The following KLHL4 variants were observed in gnomAD, a reference collection of about 807,000 sequenced individuals.
KLHL4 encodes kelch like family member 4.
A neutral mutation model predicts 45.8 loss-of-function variants in KLHL4; 17 were observed. That is an observed-to-expected ratio of 0.37 (90% confidence interval 0.25 to 0.56). The LOEUF is 0.56. Among genes scored for constraint, KLHL4 ranks in the 20% least tolerant of loss-of-function variants. The pLI, the probability that KLHL4 is intolerant of heterozygous loss-of-function variation, is 0.79. For missense variants in KLHL4, 544 were observed against 544.9 expected (o/e 1.00, Z 0.02); for synonymous variants, 224 against 189.9 (o/e 1.18, Z -1.47).
intron 1 of KLHL4, among the ~76,000 whole-genome samples, chrX:87,537,497 AATAT>A (rs1004073946): frequency 3.2e-4 from 35 of 110,656 alleles, no homozygotes; most frequent in South Asian, 7.4e-4. Context: ...CGTTTATATA[AATAT>A]ATATATAGAT....
chrX:87,543,580 A>G (rs1468572027), intron 1 of KLHL4, among the ~76,000 whole-genome samples: 1 of 111,119 alleles, frequency 9.0e-6, no homozygotes, highest in Admixed American at 9.6e-5. Context: ...ATTATAAGGC[A>G]TTGAACTCAC....
At chrX:87,661,323 A>G (rs1270387118) in intron 9 of KLHL4, among the ~76,000 whole-genome samples, 2 of 111,788 alleles carry the variant, frequency 1.8e-5, no homozygotes, top group Non-Finnish European at 3.8e-5. Flanking sequence ...TTTTATCACA[A>G]AAAAGTATAC....
At chrX:87,536,770 G>A (rs1931438124) in intron 1 of KLHL4, among the ~76,000 whole-genome samples, 1 of 110,990 alleles carries the variant, frequency 9.0e-6, no homozygotes, top group African/African-American at 3.3e-5. Flanking sequence ...TGCAAGTGGG[G>A]GGATATTCTG....
In KLHL4 at chrX:87,606,564, G is replaced by C. The variant is rs190962330; in HGVS notation, c.423-7313G>C. 8.0e-3 allele frequency among the ~76,000 whole-genome samples: 894 copies of C among 111,152 alleles called. 10 individuals carry two copies. Among genetic ancestry groups the C allele is most frequent in the Non-Finnish European group, 0.012 (632 of 52,851 alleles). ...CAGAAATACAAAAAAATTCATAAAAGTGTATTATAAACAAGTATAGGCCAA... is the reference window on the plus strand; with the variant it reads ...CAGAAATACAAAAAAATTCATAAAACTGTATTATAAACAAGTATAGGCCAA... On this transcript the variant is annotated intron_variant, in intron 1 of 10. Coordinates refer to ENST00000373119, the MANE Select transcript of KLHL4 (RefSeq NM_019117.5).
In KLHL4 at chrX:87,536,037, C is replaced by T. The variant is rs185024503; in HGVS notation, c.422+17722C>T. Among the ~76,000 whole-genome samples, 141 of 110,875 alleles carry T rather than the reference C, an allele frequency of 1.3e-3. No homozygotes were observed. In the Admixed American group the frequency reaches 0.013, roughly 10 times the overall value. On this transcript the variant is annotated intron_variant, in intron 1 of 10. Coordinates refer to ENST00000373119, the MANE Select transcript of KLHL4 (RefSeq NM_019117.5). ...CTGCAGAACCATGAGCCAATTAAAC[C>T]TCTTCTCTTTATAAATTACTGTGTC...
At chrX:87,579,251 A>T (rs1406747852) in intron 1 of KLHL4, among the ~76,000 whole-genome samples, 1 of 111,579 alleles carries the variant, frequency 9.0e-6, no homozygotes, top group Non-Finnish European at 1.9e-5. Context: ...TTCTAATTAG[A>T]AATCTATACA....
chrX:87,535,969 C>T (rs780222065), intron 1 of KLHL4, among the ~76,000 whole-genome samples: 9 of 109,977 alleles, frequency 8.2e-5, no homozygotes, highest in Non-Finnish European at 1.7e-4. Flanking sequence ...TTTGAGGCCT[C>T]CCAGAAGCCA....
At chrX:87,660,271 G>T (rs1238763616) in intron 9 of KLHL4, among the ~76,000 whole-genome samples, 1 of 111,284 alleles carries the variant, frequency 9.0e-6, no homozygotes, top group Admixed American at 9.6e-5. Context: ...ATCCATAATT[G>T]TATTCAACAA....
chrX:87,540,654 C>T (rs1325071960), intron 1 of KLHL4, among the ~76,000 whole-genome samples: 1 of 111,037 alleles, frequency 9.0e-6, no homozygotes, highest in African/African-American at 3.3e-5. Flanking sequence ...ATAACAATGC[C>T]TTCTTCAGGA....
chrX:87,609,283 G>C (rs138855019), intron 1 of KLHL4, among the ~76,000 whole-genome samples: 1 of 111,958 alleles, frequency 8.9e-6, no homozygotes, highest in Non-Finnish European at 1.9e-5. Flanking sequence ...CCAGTAATGG[G>C]ATGGCTGGGT....
intron 1 of KLHL4, among the ~76,000 whole-genome samples, chrX:87,606,109 G>A (rs1482546124): frequency 9.0e-6 from 1 of 111,461 alleles, no homozygotes; most frequent in Non-Finnish European, 1.9e-5. Flanking sequence ...TGTCTTTAAC[G>A]TGCTGTTGAA....
intron 1 of KLHL4, among the ~76,000 whole-genome samples, chrX:87,577,929 TAATC>T (rs1402046891): frequency 1.8e-5 from 2 of 111,677 alleles, no homozygotes; most frequent in Non-Finnish European, 3.8e-5. Context: ...TCAAGGGTCT[TAATC>T]AATAAATTAA....
chrX:87,549,376 T>C (rs1385271403), intron 1 of KLHL4, among the ~76,000 whole-genome samples: 2 of 111,304 alleles, frequency 1.8e-5, no homozygotes, highest in Non-Finnish European at 3.8e-5. Flanking sequence ...CCAGACAGAA[T>C]GTCAACAAAG....
intron 1 of KLHL4, among the ~76,000 whole-genome samples, chrX:87,590,687 A>G (rs1921634078): frequency 8.9e-6 from 1 of 112,052 alleles, no homozygotes; most frequent in Non-Finnish European, 1.9e-5. Flanking sequence ...ATAAGCCATT[A>G]CATAAAAGGT....
chrX:87,597,587 T>A (rs1358862223), intron 1 of KLHL4, among the ~76,000 whole-genome samples: 1 of 111,539 alleles, frequency 9.0e-6, no homozygotes, highest in Admixed American at 9.6e-5. Flanking sequence ...GCATATCGAG[T>A]TAGGTACATA....
chrX:87,559,480 A>C (rs753018658), intron 1 of KLHL4, among the ~76,000 whole-genome samples: 1 of 111,953 alleles, frequency 8.9e-6, no homozygotes, highest in Admixed American at 9.6e-5. Flanking sequence ...CTCTGGATTC[A>C]ATTTTATATA....
At chrX:87,567,094 T>C (rs970261770) in intron 1 of KLHL4, among the ~76,000 whole-genome samples, 15 of 111,286 alleles carry the variant, frequency 1.3e-4, no homozygotes, top group Non-Finnish European at 5.7e-5. Context: ...TTGCAAAATT[T>C]AGCACCCTTT....
At chrX:87,568,145 A>C (rs1216646206) in intron 1 of KLHL4, among the ~76,000 whole-genome samples, 9 of 110,284 alleles carry the variant, frequency 8.2e-5, no homozygotes, top group African/African-American at 3.0e-4. Context: ...TAATACAGGC[A>C]GAAAGTATAA....
chrX:87,612,554 A>C (rs759382346), intron 1 of KLHL4, among the ~76,000 whole-genome samples: 1 of 111,864 alleles, frequency 8.9e-6, no homozygotes, highest in African/African-American at 3.2e-5. Context: ...CATTTCTCAG[A>C]TGTATCTCTG....
Sources: gnomAD v4.1 joint callset for allele counts (sites outside exome capture counted in the v4.1 genomes callset) on GRCh38, gnomAD v4.1.1 for gene constraint, MANE v1.5 for transcripts, NCBI Gene and HGNC (gene_info 2026-07-23, HGNC 2026-07-21) for gene names.